Variants in ZC3H12C observed in about 807,000 individuals in gnomAD.
ZC3H12C encodes probable ribonuclease ZC3H12C.
ZC3H12C carries 20 observed loss-of-function variants against 76.3 expected under a neutral mutation model. The observed-to-expected ratio is 0.26, with a 90% CI of 0.18 to 0.38. The LOEUF is 0.38. ZC3H12C is among the 10% of genes least tolerant of loss of function. ZC3H12C has a pLI of 1.00. For synonymous variants in ZC3H12C, 352 were observed against 399.6 expected (o/e 0.88, Z 1.42); for missense variants, 874 against 1,086.5 (o/e 0.80, Z 2.75).
At chr11:110,132,967 C>T (rs534062632) in intron 1 of ZC3H12C, among the ~76,000 whole-genome samples, 14 of 151,996 alleles carry the variant, frequency 9.2e-5, no homozygotes, top group African/African-American at 3.4e-4. Context: ...AAGAACTGAA[C>T]GAAAATAAAG....
In ZC3H12C at chr11:110,165,907, A is replaced by G; in HGVS notation, c.*170A>G. The G allele has an allele frequency of 1.5e-6, 1 of 651,044 alleles. No individual in the cohort carries two copies. Among genetic ancestry groups the G allele is most frequent in the South Asian group, 2.5e-5 (1 of 39,250 alleles). The allele number at this position is 651,044 out of a possible 1,614,324, so 40.3% of individuals were successfully genotyped here. A position where few individuals can be genotyped will look rare whatever the true frequency, so the allele number is the denominator to read the frequency against. On this transcript the variant is annotated 3_prime_UTR_variant, in exon 6 of 6. Transcript: ENST00000278590. Reference sequence around the variant, plus strand: ...TGTATGTATAGCCCCACATGGTGGAAGTATCACGGGATTGCTTTACATTTA... The same window carrying G: ...TGTATGTATAGCCCCACATGGTGGAGGTATCACGGGATTGCTTTACATTTA...
intron 3 of ZC3H12C, among the ~76,000 whole-genome samples, chr11:110,155,336 A>G (rs928655796): frequency 6.6e-6 from 1 of 152,060 alleles, no homozygotes; most frequent in East Asian, 1.9e-4. Flanking sequence ...AAAAACTGAT[A>G]GCATTCAGTG....
chr11:110,165,576 C>G lies in ZC3H12C; in HGVS notation c.2491C>G (p.Pro831Ala). Residue 831 changes from proline (P) to alanine (A), a missense_variant, in exon 6 of 6, where the codon CCC (proline) becomes GCC (alanine). Pro to Ala is a conservative substitution (Grantham distance 27, BLOSUM62 -1). Transcript: ENST00000278590. Reference protein sequence around the residue: ...RIPYCGMPQDPPRYQDNREKI... With the variant: ...RIPYCGMPQDAPRYQDNREKI... ...CCCATACTGTGGAATGCCGCAAGATCCCCCGAGGTATCAAGACAACCGAGA... is the reference window on the plus strand; with the variant it reads ...CCCATACTGTGGAATGCCGCAAGATGCCCCGAGGTATCAAGACAACCGAGA... 2 of 1,612,154 alleles carry G rather than the reference C, an allele frequency of 1.2e-6. No homozygotes were observed. The highest frequency in any genetic ancestry group is 2.2e-5 in the East Asian group (1 of 44,854).
At chr11:110,158,921 C>T (rs1238304748) in intron 3 of ZC3H12C, among the ~76,000 whole-genome samples, 4 of 152,190 alleles carry the variant, frequency 2.6e-5, no homozygotes, top group African/African-American at 4.8e-5. Context: ...CAAGTAGGAA[C>T]GTGGAAGAAG....
chr11:110,163,892 A>C (rs1862526414), intron 5 of ZC3H12C, among the ~76,000 whole-genome samples: 1 of 152,134 alleles, frequency 6.6e-6, no homozygotes, highest in Non-Finnish European at 1.5e-5. Flanking sequence ...TGAGGCCAGG[A>C]GTTGAGACCA....
chr11:110,132,481 T>A (rs1861885285), intron 1 of ZC3H12C, among the ~76,000 whole-genome samples: 1 of 152,232 alleles, frequency 6.6e-6, no homozygotes, highest in African/African-American at 2.4e-5. Flanking sequence ...AATAATATTA[T>A]TTAATTTTCA....
chr11:110,163,532 A>G (rs966630604), intron 5 of ZC3H12C, among the ~76,000 whole-genome samples, 153 bp downstream of exon 5: 1 of 152,234 alleles, frequency 6.6e-6, no homozygotes, highest in South Asian at 2.1e-4. Flanking sequence ...TAGCCATGAA[A>G]AAGAATTATT....
At position 110,141,786 on chromosome 11, in the gene ZC3H12C, G is replaced by A. The variant is rs146538199; in HGVS notation, c.773+4372G>A. 3.4e-3 allele frequency among the ~76,000 whole-genome samples: 519 copies of A among 152,272 alleles called. 4 individuals carry two copies. Among genetic ancestry groups the A allele is most frequent in the Non-Finnish European group, 5.1e-3 (346 of 67,996 alleles). On this transcript the variant is annotated intron_variant, in intron 2 of 5. Transcript: ENST00000278590. ...TTTCGGAGACTTCGTACAAAAATAT[G>A]TAAACTATTTGAATAACTTTTATGT...
rs1187880496 is a variant in ZC3H12C at position 110,164,973 on chromosome 11, G to A, written c.1888G>A (p.Gly630Arg). The change falls in exon 6 of 6, where the codon GGG becomes AGG. Residue 630 changes from glycine to arginine, a missense_variant. Around this residue, in one of 3 missense-constraint regions of ZC3H12C, gnomAD observed 395 missense variants for 434.4 expected, o/e 0.91. Transcript: ENST00000278590. This position sits in a 1 kb window ranked among gnomAD's most constrained non-coding sequence, Gnocchi z 5.7. ...SSVASDCSSE[G>R]SMSCGSSDSY... is the part of the protein sequence containing the mutation. Reference sequence around the variant, plus strand: ...CGTAGCTTCTGACTGCAGCAGTGAAGGGAGCATGAGCTGTGGGAGCAGTGA... The same window carrying A: ...CGTAGCTTCTGACTGCAGCAGTGAAAGGAGCATGAGCTGTGGGAGCAGTGA... 6.2e-7 allele frequency: 1 copy of A among 1,613,936 alleles called. No homozygotes were observed. Among genetic ancestry groups the A allele is most frequent in the Non-Finnish European group, 8.5e-7 (1 of 1,179,906 alleles).
At chr11:110,155,618 G>A (rs556769250) in intron 3 of ZC3H12C, among the ~76,000 whole-genome samples, 2 of 152,148 alleles carry the variant, frequency 1.3e-5, no homozygotes, top group East Asian at 3.9e-4. Flanking sequence ...AGAATATTCA[G>A]GCAGAATTTT....
At chr11:110,105,666 C>G (rs1229389621) in intron 1 of ZC3H12C, among the ~76,000 whole-genome samples, 1 of 151,954 alleles carries the variant, frequency 6.6e-6, no homozygotes, top group African/African-American at 2.4e-5. Context: ...TTTAAAAAAT[C>G]TATTAATCTT....
Position 110,164,779 on chromosome 11 carries a change from C to T in ZC3H12C, c.1694C>T (p.Ala565Val). Residue 565 changes from alanine (A) to valine (V), a missense_variant, in exon 6 of 6, where the codon GCA becomes GTA. Transcript: ENST00000278590. The surrounding 1 kb of genome is among the most constrained non-coding windows in gnomAD (Gnocchi z 5.7). ...PQGQYPSMMM[A>V]TKNHGTPMPY... ...GGACAATATCCTTCAATGATGATGG[C>T]AACCAAAAATCATGGAACGCCAATG... is the stretch of plus-strand genomic sequence containing the variant. 2 of 1,614,006 alleles carry T rather than the reference C, an allele frequency of 1.2e-6. No individual in the cohort carries two copies. The highest frequency in any genetic ancestry group is 1.7e-6 in the Non-Finnish European group (2 of 1,179,896).
rs549754522 is a variant in ZC3H12C at position 110,133,697 on chromosome 11, A to T, written c.22-2966A>T. ...ATGAGGTTTGTGTGATTTAGTTATTAAAAAAAACTGAAAATCCTATTTTCC... is the reference window on the plus strand; with the variant it reads ...ATGAGGTTTGTGTGATTTAGTTATTTAAAAAAACTGAAAATCCTATTTTCC... On this transcript the variant is annotated intron_variant, in intron 1 of 5. Coordinates refer to ENST00000278590, the MANE Select transcript of ZC3H12C (RefSeq NM_033390.2). 2.0e-5 allele frequency among the ~76,000 whole-genome samples: 3 copies of T among 152,140 alleles called. No homozygotes were observed. In the South Asian group the frequency reaches 6.2e-4, roughly 32 times the overall value.
At position 110,138,954 on chromosome 11, in the gene ZC3H12C, T is replaced by C. The variant is rs540572927; in HGVS notation, c.773+1540T>C. Among the ~76,000 whole-genome samples, 21 of 152,352 alleles carry C rather than the reference T, an allele frequency of 1.4e-4. No individual in the cohort carries two copies. The East Asian group carries it at 4.0e-3, about 29-fold the overall frequency. On this transcript the variant is annotated intron_variant, in intron 2 of 5. Transcript: ENST00000278590. ...GCCATATTTCAGGTGCTCAGTATCC[T>C]GATGTGGCTATTGACTACTATATTG...
chr11:110,143,226 C>T (rs1028296556), intron 2 of ZC3H12C, among the ~76,000 whole-genome samples: 19 of 152,200 alleles, frequency 1.2e-4, no homozygotes, highest in Admixed American at 7.9e-4. Flanking sequence ...CCTGTTTCTA[C>T]GTTTCTGTAT....
At chr11:110,156,011 TGTAA>T (rs1239878395) in intron 3 of ZC3H12C, among the ~76,000 whole-genome samples, 1 of 152,160 alleles carries the variant, frequency 6.6e-6, no homozygotes, top group Non-Finnish European at 1.5e-5. Flanking sequence ...TAGTACACTG[TGTAA>T]GTGTGTCTAA....
rs753567762 is a variant in ZC3H12C at position 110,164,820 on chromosome 11, C to G, written c.1735C>G (p.Pro579Ala). ...AACGCCAATGCCTTATGAACAGTAT[C>G]CAAAATGTGACTCACCTGTCGACAT... ...HGTPMPYEQY[P>A]KCDSPVDIGY... is the part of the protein sequence containing the mutation. Residue 579 changes from proline (P) to alanine (A), a missense_variant, in exon 6 of 6, where the codon CCA becomes GCA. By Grantham distance (27) the Pro-to-Ala change is conservative (BLOSUM62 -1). This residue lies in a region of ZC3H12C where 395 missense variants were observed against 434.4 expected (regional missense o/e 0.91). Coordinates refer to ENST00000278590, the MANE Select transcript of ZC3H12C (RefSeq NM_033390.2). The surrounding 1 kb of genome is among the most constrained non-coding windows in gnomAD (Gnocchi z 5.7). 1 of 1,613,980 alleles carries G rather than the reference C, an allele frequency of 6.2e-7. No homozygotes were observed. Among genetic ancestry groups the G allele is most frequent in the Non-Finnish European group, 8.5e-7 (1 of 1,179,892 alleles).
chr11:110,119,359 G>A (rs1031363006), intron 1 of ZC3H12C, among the ~76,000 whole-genome samples: 1 of 150,078 alleles, frequency 6.7e-6, no homozygotes, highest in Non-Finnish European at 1.5e-5. Flanking sequence ...CTATGAAATT[G>A]TTAGAATGTG....
At chr11:110,094,891 T>C (rs377721081) in intron 1 of ZC3H12C, among the ~76,000 whole-genome samples, 8 of 152,128 alleles carry the variant, frequency 5.3e-5, no homozygotes, top group African/African-American at 1.7e-4. Context: ...CATGAAAGAG[T>C]CTATCTTACT....
Sources: gnomAD v4.1 joint callset for allele counts (sites outside exome capture counted in the v4.1 genomes callset) on GRCh38, gnomAD v4.1.1 for gene constraint, gnomAD v4.1.1 regional missense constraint, Gnocchi (gnomAD v3.1) non-coding constraint, MANE v1.5 for transcripts, NCBI Gene and HGNC (gene_info 2026-07-23, HGNC 2026-07-21) for gene names.